Variants in LOXL1 observed in about 807,000 individuals in gnomAD.
LOXL1 encodes lysyl oxidase homolog 1.
In LOXL1, 31 loss-of-function variants were observed where a neutral mutation model predicts 62.2. The observed-to-expected ratio is 0.50, with a 90% CI of 0.37 to 0.67. LOXL1 has a LOEUF of 0.67. LOXL1 is among the 30% of genes least tolerant of loss of function. LOXL1 has a pLI of 0.00. For synonymous variants in LOXL1, 403 were observed against 384.4 expected (o/e 1.05, Z -0.56); for missense variants, 775 against 843.4 (o/e 0.92, Z 1.00).
At chr15:73,934,833 C>T (rs1300349346) in intron 1 of LOXL1, among the ~76,000 whole-genome samples, 1 of 152,018 alleles carries the variant, frequency 6.6e-6, no homozygotes, top group Non-Finnish European at 1.5e-5. Flanking sequence ...AGGAGAGGGA[C>T]AGGTTGCAAA....
intron 1 of LOXL1, among the ~76,000 whole-genome samples, chr15:73,938,024 C>A (rs1006426587): frequency 6.6e-6 from 1 of 152,180 alleles, no homozygotes; most frequent in African/African-American, 2.4e-5. Flanking sequence ...CGGTCACTCA[C>A]CCCTGTAATC....
chr15:73,943,835 C>G (rs1411192175), intron 2 of LOXL1, among the ~76,000 whole-genome samples: 1 of 152,174 alleles, frequency 6.6e-6, no homozygotes, highest in East Asian at 1.9e-4. Flanking sequence ...ATCTAGGAAA[C>G]TCTTTAGAAT....
rs562784544 is a variant in LOXL1 at position 73,935,900 on chromosome 15, G to A, written c.1103-6954G>A. On this transcript the variant is annotated intron_variant, in intron 1 of 6. Transcript: ENST00000261921. ...CAGGACTGACAGGGTGGGCTTTGGAGCTAAAGACTGTGTGCCTCTGCATAG... is the reference window on the plus strand; with the variant it reads ...CAGGACTGACAGGGTGGGCTTTGGAACTAAAGACTGTGTGCCTCTGCATAG... 4.0e-5 allele frequency among the ~76,000 whole-genome samples: 6 copies of A among 151,778 alleles called. No homozygotes were observed. In the East Asian group the frequency reaches 1.2e-3, roughly 29 times the overall value.
intron 6 of LOXL1, 120 bp from the exon 7 acceptor site, chr15:73,951,711 T>C: frequency 1.2e-6 from 1 of 849,186 alleles, no homozygotes; most frequent in Admixed American, 3.1e-5. Context: ...TTGAGGGAAA[T>C]GTAGGCCCAT....
chr15:73,944,744 G>C (rs928476172), intron 2 of LOXL1, among the ~76,000 whole-genome samples: 1 of 152,166 alleles, frequency 6.6e-6, no homozygotes, highest in Non-Finnish European at 1.5e-5. Flanking sequence ...GGTTTCCCAC[G>C]GTGTGCTGAG....
rs772019962 is a variant in LOXL1, at chr15:73,946,546, C to T, written c.1341C>T (p.Ser447=). Residue 447 remains serine, a synonymous_variant, in exon 3 of 7, where the codon AGC becomes AGT. Transcript: ENST00000261921. ...CACGGCACACCTGGGAGTGGCACAGCTGCCACCAGTGAGTGGGGAGGGGCT... is the reference window on the plus strand; with the variant it reads ...CACGGCACACCTGGGAGTGGCACAGTTGCCACCAGTGAGTGGGGAGGGGCT... ...NRPRHTWEWH[S]CHQHYHSMDE... is the part of the protein sequence containing the mutation. 2 of 1,605,910 alleles carry T rather than the reference C, an allele frequency of 1.2e-6. No individual in the cohort carries two copies. Among genetic ancestry groups the T allele is most frequent in the Admixed American group, 1.7e-5 (1 of 59,286 alleles).
intron 1 of LOXL1, 22 bp from the exon 2 acceptor site, chr15:73,942,832 T>A: frequency 2.0e-6 from 3 of 1,477,450 alleles, no homozygotes; most frequent in Non-Finnish European, 2.8e-6. Context: ...CCTCCCCCCT[T>A]CTCTCCCACT....
intron 3 of LOXL1, among the ~76,000 whole-genome samples, chr15:73,946,824 C>G (rs2068750934): frequency 6.6e-6 from 1 of 152,364 alleles, no homozygotes; most frequent in Admixed American, 6.5e-5. Flanking sequence ...CCCAGTGAGG[C>G]CATTACAGGT....
intron 2 of LOXL1, among the ~76,000 whole-genome samples, chr15:73,944,183 AAG>A (rs2068733166): frequency 6.6e-6 from 1 of 152,108 alleles, no homozygotes; most frequent in Non-Finnish European, 1.5e-5. Context: ...TGTCTTGGGG[AAG>A]AGAGCATAAT....
chr15:73,940,853 C>T (rs1450296692), intron 1 of LOXL1, among the ~76,000 whole-genome samples: 1 of 152,224 alleles, frequency 6.6e-6, no homozygotes, highest in Non-Finnish European at 1.5e-5. Flanking sequence ...CCCGCTCCTC[C>T]AACTTCCCTG....
intron 1 of LOXL1, among the ~76,000 whole-genome samples, chr15:73,928,419 G>A (rs533925462): frequency 4.4e-4 from 67 of 152,316 alleles, no homozygotes; most frequent in African/African-American, 1.6e-3. Flanking sequence ...TGAGTGCGCA[G>A]GAGGTTAGAG....
chr15:73,951,070 A>G (rs2068781929), intron 6 of LOXL1, among the ~76,000 whole-genome samples: 1 of 152,208 alleles, frequency 6.6e-6, no homozygotes, highest in Non-Finnish European at 1.5e-5. Flanking sequence ...AAGTGGTAGA[A>G]GCCATTCTAG....
In LOXL1 at chr15:73,927,017, C is replaced by T. The variant is rs779527205; in HGVS notation, c.234C>T (p.Ala78=). ...AGAGTAGCTCCCGGGTGCTGCTGGC[C>T]GGCGCGCCCCAGGCCCAGCAGCGGC... ...RSESSSRVLL[A]GAPQAQQRRS... is the part of the protein sequence containing the mutation. The change falls in exon 1 of 7, where the codon GCC becomes GCT. Residue 78 remains alanine (A), a synonymous_variant. Coordinates refer to ENST00000261921, the MANE Select transcript of LOXL1 (RefSeq NM_005576.4). The T allele has an allele frequency of 1.5e-5, 21 of 1,434,472 alleles. No individual in the cohort carries two copies. In the Admixed American group the frequency reaches 4.5e-4, roughly 31 times the overall value. 88.9% of individuals were successfully genotyped at this position (1,434,472 alleles called of 1,614,324 possible). A position where few individuals can be genotyped will look rare whatever the true frequency, so the allele number is the denominator to read the frequency against.
chr15:73,951,828 C>T lies in LOXL1; in HGVS notation c.1719-3C>T. ...CATTGACCCACTGTCTTTCCTTCCTCAGATCCTGATCTCCGGGAGGGACAG... is the reference window on the plus strand; with the variant it reads ...CATTGACCCACTGTCTTTCCTTCCTTAGATCCTGATCTCCGGGAGGGACAG... On this transcript the variant is annotated splice_polypyrimidine_tract_variant and splice_region_variant and intron_variant, in intron 6 of 6. Coordinates refer to ENST00000261921, the MANE Select transcript of LOXL1 (RefSeq NM_005576.4). 6.4e-7 allele frequency: 1 copy of T among 1,550,562 alleles called. No individual in the cohort carries two copies. The highest frequency in any genetic ancestry group is 1.2e-5 in the South Asian group (1 of 84,008).
Position 73,947,091 on chromosome 15 carries a change from C to A in LOXL1, c.1374C>A (p.Phe458Leu). The A allele has an allele frequency of 6.2e-7, 1 of 1,611,066 alleles. No homozygotes were observed. The highest frequency in any genetic ancestry group is 1.1e-5 in the South Asian group (1 of 90,868). Residue 458 changes from phenylalanine (F) to leucine (L), a missense_variant, in exon 4 of 7, where the codon TTC (phenylalanine) becomes TTA (leucine). Coordinates refer to ENST00000261921, the MANE Select transcript of LOXL1 (RefSeq NM_005576.4). ...GGCATTACCACAGCATGGACGAGTTCAGCCACTACGACCTACTGGATGCAG... is the reference window on the plus strand; with the variant it reads ...GGCATTACCACAGCATGGACGAGTTAAGCCACTACGACCTACTGGATGCAG... ...CHQHYHSMDE[F>L]SHYDLLDAAT...
At chr15:73,932,333 G>A (rs942567241) in intron 1 of LOXL1, among the ~76,000 whole-genome samples, 3 of 152,164 alleles carry the variant, frequency 2.0e-5, no homozygotes, top group Non-Finnish European at 4.4e-5. Context: ...ACTTTTAGTA[G>A]TGGAACCAGG....
chr15:73,937,470 C>T (rs1278169178), intron 1 of LOXL1, among the ~76,000 whole-genome samples: 3 of 152,250 alleles, frequency 2.0e-5, no homozygotes, highest in South Asian at 2.1e-4. Context: ...CCTCCCCAGC[C>T]GAGCATCCTG....
chr15:73,939,797 T>C (rs1298423641), intron 1 of LOXL1, among the ~76,000 whole-genome samples: 1 of 151,892 alleles, frequency 6.6e-6, no homozygotes, highest in Non-Finnish European at 1.5e-5. Context: ...ACAGGAGGAG[T>C]CCTGGGAGGG....
intron 6 of LOXL1, 24 bp from the exon 7 acceptor site, chr15:73,951,806 TG>T: frequency 6.5e-7 from 1 of 1,543,498 alleles, no homozygotes; most frequent in Non-Finnish European, 8.8e-7. Context: ...AGCCCCTCAT[TG>T]ACCCACTGTC....
Sources: gnomAD v4.1 joint callset for allele counts (sites outside exome capture counted in the v4.1 genomes callset) on GRCh38, gnomAD v4.1.1 for gene constraint, MANE v1.5 for transcripts, NCBI Gene and HGNC (gene_info 2026-07-23, HGNC 2026-07-21) for gene names.